Variants in SORCS2 observed in about 807,000 individuals in gnomAD.
The protein encoded by SORCS2 is VPS10 domain-containing receptor SorCS2.
A neutral mutation model predicts 141.6 loss-of-function variants in SORCS2; 100 were observed. The ratio of observed to expected loss-of-function variants is 0.71; its 90% CI spans 0.60 to 0.83. SORCS2 has a LOEUF of 0.83. SORCS2 is among the 40% of genes least tolerant of loss of function. SORCS2 has a pLI of 0.00. For missense variants in SORCS2, 1,646 were observed against 1,560.2 expected (o/e 1.05, Z -0.93); for synonymous variants, 789 against 676.9 (o/e 1.17, Z -2.57).
chr4:7,475,010 A>G (rs1265247915), intron 2 of SORCS2, among the ~76,000 whole-genome samples: 1 of 152,040 alleles, frequency 6.6e-6, no homozygotes, highest in Non-Finnish European at 1.5e-5. Flanking sequence ...ACTTTCTTAT[A>G]AGGACACCCA....
intron 2 of SORCS2, among the ~76,000 whole-genome samples, chr4:7,450,869 C>T (rs769190657): frequency 1.2e-4 from 17 of 145,890 alleles, no homozygotes; most frequent in Non-Finnish European, 2.3e-4. Context: ...AGTGAGTGAA[C>T]GCATGAGTGA....
intron 2 of SORCS2, among the ~76,000 whole-genome samples, chr4:7,418,679 T>C (rs1023882849): frequency 1.3e-5 from 2 of 149,132 alleles, no homozygotes; most frequent in Non-Finnish European, 3.0e-5. Flanking sequence ...ATATATCAGT[T>C]AGCTTTTGCT....
chr4:7,588,693 C>G lies in SORCS2; in HGVS notation c.649-49635C>G, dbSNP rs190626325. On this transcript the variant is annotated intron_variant, in intron 3 of 26. Coordinates refer to ENST00000507866, the MANE Select transcript of SORCS2 (RefSeq NM_020777.3). Reference sequence around the variant, plus strand: ...TCCTGGAAAACTGGAGTTGGACATACCTTCAAGGAAAAACTAGCTGGGCTT... The same window carrying G: ...TCCTGGAAAACTGGAGTTGGACATAGCTTCAAGGAAAAACTAGCTGGGCTT... 5.3e-5 allele frequency among the ~76,000 whole-genome samples: 8 copies of G among 152,260 alleles called. No individual in the cohort carries two copies. The East Asian group carries it at 1.4e-3, about 26-fold the overall frequency.
In SORCS2 at chr4:7,714,266, G is replaced by A. The variant is rs199911110; in HGVS notation, c.2016G>A (p.Gln672=). Reference sequence around the variant, plus strand: ...GCGACCGCTGTATCATGGGCCAGCAGAGAAGTTTCCGGAAAAGAAAGTCCA... The same window carrying A: ...GCGACCGCTGTATCATGGGCCAGCAAAGAAGTTTCCGGAAAAGAAAGTCCA... The part of the protein sequence containing the change: ...LQGDRCIMGQ[Q]RSFRKRKSTS... The change falls in exon 16 of 27, where the codon CAG becomes CAA. Residue 672 remains glutamine (Q), a synonymous_variant. Transcript: ENST00000507866. 5.6e-5 allele frequency: 91 copies of A among 1,611,006 alleles called. No individual in the cohort carries two copies. The Middle Eastern group carries it at 2.5e-3, about 44-fold the overall frequency.
chr4:7,319,827 T>A (rs1173504238), intron 1 of SORCS2, among the ~76,000 whole-genome samples: 3 of 152,272 alleles, frequency 2.0e-5, no homozygotes, highest in African/African-American at 7.2e-5. Flanking sequence ...GCAGTTGGCT[T>A]TTATGGACAA....
chr4:7,264,763 C>T (rs916473062), intron 1 of SORCS2, among the ~76,000 whole-genome samples: 4 of 152,232 alleles, frequency 2.6e-5, no homozygotes, highest in African/African-American at 9.6e-5. Context: ...GCAGTCCTGA[C>T]CCCCACTCCC....
chr4:7,459,152 C>G (rs775027030), intron 2 of SORCS2, among the ~76,000 whole-genome samples: 1 of 152,104 alleles, frequency 6.6e-6, no homozygotes, highest in Non-Finnish European at 1.5e-5. Context: ...TGGCTTTGGA[C>G]TCACCCAGCC....
intron 2 of SORCS2, chr4:7,434,348 C>T (rs1257279536): frequency 1.2e-6 from 2 of 1,609,042 alleles, no homozygotes; most frequent in Non-Finnish European, 1.7e-6. Context: ...CCTTCAGGCG[C>T]CTGGCGGGGG....
At chr4:7,242,737 G>C (rs1469546751) in intron 1 of SORCS2, among the ~76,000 whole-genome samples, 1 of 152,174 alleles carries the variant, frequency 6.6e-6, no homozygotes, top group African/African-American at 2.4e-5. Context: ...CTTTCCCCTG[G>C]TCCAGACTCC....
At chr4:7,610,365 T>A (rs1718327662) in intron 3 of SORCS2, among the ~76,000 whole-genome samples, 2 of 152,022 alleles carry the variant, frequency 1.3e-5, no homozygotes, top group Admixed American at 1.3e-4. Flanking sequence ...GACTGGTGTT[T>A]CCTTATCTCC....
intron 1 of SORCS2, among the ~76,000 whole-genome samples, chr4:7,260,454 G>A (rs59421365): frequency 2.6e-5 from 4 of 152,202 alleles, no homozygotes; most frequent in Admixed American, 6.5e-5. Context: ...TGATGGGCTG[G>A]TCTAGGAGTC....
intron 2 of SORCS2, among the ~76,000 whole-genome samples, chr4:7,454,504 G>T (rs1179664226): frequency 4.4e-5 from 6 of 135,084 alleles, no homozygotes; most frequent in African/African-American, 1.7e-4. Context: ...GGTGCTGTGT[G>T]TTGGGGTCAG....
At chr4:7,306,795 A>G (rs1043172593) in intron 1 of SORCS2, among the ~76,000 whole-genome samples, 26 of 152,092 alleles carry the variant, frequency 1.7e-4, no homozygotes, top group Non-Finnish European at 2.9e-4. Flanking sequence ...CCGTCCCTGG[A>G]GGGGTGCAGG....
chr4:7,237,536 T>C (rs1216987004), intron 1 of SORCS2, among the ~76,000 whole-genome samples: 2 of 152,196 alleles, frequency 1.3e-5, no homozygotes, highest in Non-Finnish European at 2.9e-5. Flanking sequence ...CTTTTATTTA[T>C]CTATCTATTT....
chr4:7,488,817 G>C (rs1052822767), intron 2 of SORCS2, among the ~76,000 whole-genome samples: 5 of 152,212 alleles, frequency 3.3e-5, no homozygotes, highest in Non-Finnish European at 5.9e-5. Flanking sequence ...GATGAGATGA[G>C]ATCCTTGCAT....
intron 12 of SORCS2, among the ~76,000 whole-genome samples, chr4:7,702,414 C>T (rs1265596408): frequency 6.6e-6 from 1 of 152,184 alleles, no homozygotes; most frequent in Non-Finnish European, 1.5e-5. Context: ...ACTTTGGAGC[C>T]ACCACCGGCT....
At chr4:7,245,140 C>T (rs1251633472) in intron 1 of SORCS2, among the ~76,000 whole-genome samples, 1 of 152,222 alleles carries the variant, frequency 6.6e-6, no homozygotes, top group Non-Finnish European at 1.5e-5. Flanking sequence ...CTTCTTCCCC[C>T]TTCCCCCTGG....
intron 2 of SORCS2, among the ~76,000 whole-genome samples, chr4:7,402,292 AC>A (rs1251201118): frequency 4.6e-5 from 7 of 152,168 alleles, no homozygotes; most frequent in Non-Finnish European, 1.0e-4. Flanking sequence ...AGTAACCTCT[AC>A]CCTGAAATTG....
At chr4:7,603,159 G>C (rs946721771) in intron 3 of SORCS2, among the ~76,000 whole-genome samples, 3 of 151,696 alleles carry the variant, frequency 2.0e-5, no homozygotes, top group Non-Finnish European at 4.4e-5. Context: ...GAGAGAGAGG[G>C]AGAGGGAGAC....
Sources: allele counts gnomAD v4.1 joint callset (sites outside exome capture counted in the v4.1 genomes callset), GRCh38; gene constraint gnomAD v4.1.1; transcripts MANE v1.5; gene names NCBI Gene and HGNC (gene_info 2026-07-23, HGNC 2026-07-21).